Variants in IFT43 observed in about 807,000 individuals in gnomAD.
IFT43 encodes the protein intraflagellar transport protein 43 homolog.
In IFT43, 33 loss-of-function variants were observed where a neutral mutation model predicts 32.3. The ratio of observed to expected loss-of-function variants is 1.02; its 90% CI spans 0.77 to 1.37. The LOEUF is 1.37. Among genes scored for constraint, IFT43 ranks in the 40% most tolerant of loss-of-function variants. The probability of loss-of-function intolerance (pLI) is 0.00; values close to 1 mark genes in which losing one functional copy is unlikely to be tolerated. For synonymous variants in IFT43, 93 were observed against 98.2 expected, an observed-to-expected ratio of 0.95 and a Z score of 0.31; for missense variants, 274 against 265.9, an observed-to-expected ratio of 1.03 and a Z score of -0.21.
rs184037011 is a variant in IFT43, at chr14:76,018,622, G to A, written c.148-3705G>A. ...TTCTTTATTGGTTTTCTGTCTAGATGATCTCTCCAGTGCTGACAGTTGGAT... is the reference window on the plus strand; with the variant it reads ...TTCTTTATTGGTTTTCTGTCTAGATAATCTCTCCAGTGCTGACAGTTGGAT... On this transcript the variant is annotated intron_variant, in intron 2 of 8. Transcript: ENST00000314067. Among the ~76,000 whole-genome samples the A allele has an allele frequency of 5.4e-4, 82 of 152,200 alleles. 1 individual carries two copies. In the East Asian group the frequency reaches 0.015, roughly 28 times the overall value.
intron 2 of IFT43, among the ~76,000 whole-genome samples, chr14:76,006,854 CA>C (rs1352784206): frequency 5.7e-4 from 79 of 138,904 alleles, no homozygotes; most frequent in African/African-American, 1.9e-3. Flanking sequence ...TTACTGGGGA[CA>C]TTTTTTTTTT....
intron 3 of IFT43, among the ~76,000 whole-genome samples, chr14:76,047,079 C>T (rs1326862739): frequency 6.6e-6 from 1 of 152,218 alleles, no homozygotes; most frequent in Non-Finnish European, 1.5e-5. Context: ...GGACTAATCC[C>T]ATCCCTGAGG....
rs377755868 is a variant in IFT43 at position 76,028,779 on chromosome 14, G to A, written c.215+6385G>A. ...CCAGCTATATCCATATTGCTGCAAA[G>A]GATTTGATTTCATTCTTTTAAATGG... On this transcript the variant is annotated intron_variant, in intron 3 of 8. Coordinates refer to ENST00000314067, the MANE Select transcript of IFT43 (RefSeq NM_001102564.3). Among the ~76,000 whole-genome samples, 192 of 152,252 alleles carry A rather than the reference G, an allele frequency of 1.3e-3. 5 individuals carry two copies. The South Asian group carries it at 0.037, about 29-fold the overall frequency.
At chr14:76,032,081 C>T (rs944419817) in intron 3 of IFT43, among the ~76,000 whole-genome samples, 1 of 152,160 alleles carries the variant, frequency 6.6e-6, no homozygotes, top group African/African-American at 2.4e-5. Flanking sequence ...CTAATCGTGC[C>T]TCCAAAGTCA....
intron 2 of IFT43, 105 bp downstream of exon 2, chr14:75,989,082 AC>A (rs1434981867): frequency 2.2e-6 from 3 of 1,348,574 alleles, no homozygotes; most frequent in African/African-American, 1.4e-5. Context: ...TTGAATGCCA[AC>A]CCTTTCTCCT....
chr14:76,054,275 T>C (rs1335760988), intron 3 of IFT43, among the ~76,000 whole-genome samples: 1 of 152,206 alleles, frequency 6.6e-6, no homozygotes, highest in Non-Finnish European at 1.5e-5. Context: ...CAGCTTCCAA[T>C]TTGCTGTCTA....
intron 2 of IFT43, among the ~76,000 whole-genome samples, chr14:76,010,401 T>C (rs530309893): frequency 1.2e-4 from 18 of 152,324 alleles, no homozygotes; most frequent in Middle Eastern, 3.4e-3. Context: ...CCTTTTTTCT[T>C]TTTTGTTAAA....
At chr14:76,077,781 C>T (rs2037437023) in intron 5 of IFT43, among the ~76,000 whole-genome samples, 2 of 152,210 alleles carry the variant, frequency 1.3e-5, no homozygotes, top group East Asian at 3.8e-4. Flanking sequence ...AACGTCCCGC[C>T]TTCAGTCTCT....
intron 3 of IFT43, among the ~76,000 whole-genome samples, chr14:76,033,216 T>C (rs1319711422): frequency 6.6e-6 from 1 of 152,040 alleles, no homozygotes; most frequent in East Asian, 1.9e-4. Flanking sequence ...GCCAGTAATA[T>C]AGGATACTAT....
At chr14:75,989,268 G>C (rs2035591241) in intron 2 of IFT43, among the ~76,000 whole-genome samples, 1 of 151,790 alleles carries the variant, frequency 6.6e-6, no homozygotes. Context: ...TAGGATTCCA[G>C]GTTTTTATTT....
At chr14:76,040,087 G>A (rs908138696) in intron 3 of IFT43, among the ~76,000 whole-genome samples, 1 of 152,068 alleles carries the variant, frequency 6.6e-6, no homozygotes, top group Non-Finnish European at 1.5e-5. Flanking sequence ...TGAGTAGCTG[G>A]GACTGCAGGT....
At chr14:76,008,584 G>T (rs1444179156) in intron 2 of IFT43, among the ~76,000 whole-genome samples, 1 of 152,098 alleles carries the variant, frequency 6.6e-6, no homozygotes, top group African/African-American at 2.4e-5. Flanking sequence ...TTGAACCCGG[G>T]ACTGTCCCTC....
chr14:76,069,175 C>T (rs2037276588), intron 5 of IFT43, among the ~76,000 whole-genome samples: 1 of 152,094 alleles, frequency 6.6e-6, no homozygotes, highest in African/African-American at 2.4e-5. Flanking sequence ...GGAGCAGGCA[C>T]GTCACGTGGC....
intron 5 of IFT43, among the ~76,000 whole-genome samples, chr14:76,061,488 T>G (rs1208558564): frequency 3.9e-5 from 6 of 152,232 alleles, no homozygotes; most frequent in Non-Finnish European, 7.3e-5. Context: ...CACAGGTCAT[T>G]GAGGCTTGGT....
intron 1 of IFT43, 141 bp downstream of exon 1, chr14:75,985,981 AC>A (rs2035515046): frequency 8.5e-6 from 13 of 1,527,798 alleles, no homozygotes; most frequent in Non-Finnish European, 9.6e-6. Flanking sequence ...AGGCAGCCTC[AC>A]CGCCCCGCCC....
chr14:76,017,361 G>T (rs1307773732), intron 2 of IFT43, among the ~76,000 whole-genome samples: 1 of 152,082 alleles, frequency 6.6e-6, no homozygotes, highest in Non-Finnish European at 1.5e-5. Flanking sequence ...TTATTGATTT[G>T]CTTGTGTTGA....
At chr14:75,999,256 TATATATATATATATATG>T (rs2035822409) in intron 2 of IFT43, among the ~76,000 whole-genome samples, 13 of 12,164 alleles carry the variant, frequency 1.1e-3, no homozygotes, top group African/African-American at 3.7e-3. Context: ...TATATATATA[TATATATATATATATATG>T]TATATATATT....
chr14:75,987,683 A>G (rs1566692155), intron 1 of IFT43, among the ~76,000 whole-genome samples: 1 of 152,224 alleles, frequency 6.6e-6, no homozygotes, highest in Non-Finnish European at 1.5e-5. Flanking sequence ...AAAGTAAGCA[A>G]AAGTATAAAT....
intron 2 of IFT43, among the ~76,000 whole-genome samples, chr14:75,998,047 A>G (rs1452374991): frequency 6.6e-6 from 1 of 152,200 alleles, no homozygotes; most frequent in Non-Finnish European, 1.5e-5. Flanking sequence ...CACACCTGTC[A>G]GCTATTGTAG....
Sources: allele counts gnomAD v4.1 joint callset (sites outside exome capture counted in the v4.1 genomes callset), GRCh38; gene constraint gnomAD v4.1.1; transcripts MANE v1.5; gene names NCBI Gene and HGNC (gene_info 2026-07-23, HGNC 2026-07-21).